Variants in DTNA observed in about 807,000 individuals in gnomAD.
DTNA encodes dystrobrevin alpha, also known as dystrophin-related protein 3.
Under a neutral mutation model 100.7 loss-of-function variants are expected in DTNA, and 43 were observed. That is an observed-to-expected ratio of 0.43 (90% CI 0.33 to 0.55). The LOEUF is 0.55. DTNA is among the 20% of genes least tolerant of loss of function. DTNA has a pLI of 0.04. For missense variants in DTNA, 798 were observed against 953.9 expected (o/e 0.84, Z 2.15); for synonymous variants, 349 against 347.9 (o/e 1.00, Z -0.04).
chr18:34,780,286 A>G (rs1354445657), intron 3 of DTNA, among the ~76,000 whole-genome samples: 1 of 152,218 alleles, frequency 6.6e-6, no homozygotes, highest in Non-Finnish European at 1.5e-5. Flanking sequence ...AATACCAGAT[A>G]AAATCATGTA....
At chr18:34,614,887 AT>A (rs1195447741) in intron 1 of DTNA, among the ~76,000 whole-genome samples, 1 of 152,230 alleles carries the variant, frequency 6.6e-6, no homozygotes, top group Non-Finnish European at 1.5e-5. Flanking sequence ...ATTCGCTCCA[AT>A]TTTGAAAGAA....
At chr18:34,564,942 T>C (rs2046958173) in intron 1 of DTNA, among the ~76,000 whole-genome samples, 1 of 152,170 alleles carries the variant, frequency 6.6e-6, no homozygotes, top group Admixed American at 6.5e-5. Context: ...ATAAAACATA[T>C]GTAATTATGA....
At chr18:34,628,799 G>A (rs1342647503) in intron 1 of DTNA, among the ~76,000 whole-genome samples, 1 of 152,030 alleles carries the variant, frequency 6.6e-6, no homozygotes, top group East Asian at 1.9e-4. Context: ...CACTTTATAA[G>A]CTTATATTTT....
chr18:34,824,319 C>CA (rs1017178581), intron 9 of DTNA, among the ~76,000 whole-genome samples: 11 of 151,394 alleles, frequency 7.3e-5, no homozygotes, highest in South Asian at 2.1e-4. Context: ...ACTAAAAATA[C>CA]AAAAAAAATA....
intron 1 of DTNA, among the ~76,000 whole-genome samples, chr18:34,676,258 G>T (rs749832868): frequency 6.6e-6 from 1 of 152,038 alleles, no homozygotes; most frequent in African/African-American, 2.4e-5. Flanking sequence ...ATTTGAGGGG[G>T]TCCTCTTATT....
chr18:34,824,656 A>G (rs974897360), intron 9 of DTNA, among the ~76,000 whole-genome samples: 2 of 152,170 alleles, frequency 1.3e-5, no homozygotes, highest in South Asian at 4.1e-4. Flanking sequence ...TAAAATTAAG[A>G]AAATAATAAG....
chr18:34,755,990 G>C lies in DTNA; in HGVS notation c.14G>C (p.Ser5Thr). 2 of 1,613,314 alleles carry C rather than the reference G, an allele frequency of 1.2e-6. No individual in the cohort carries two copies. The highest frequency in any genetic ancestry group is 1.7e-6 in the Non-Finnish European group (2 of 1,179,534). Residue 5 changes from serine to threonine, a missense_variant, in exon 2 of 23, where the codon AGT becomes ACT. By Grantham distance (58) the Ser-to-Thr change is moderately conservative (BLOSUM62 1). This residue lies in a region of DTNA where 197 missense variants were observed against 215.4 expected (regional missense o/e 0.91). Coordinates refer to ENST00000444659, the MANE Select transcript of DTNA (RefSeq NM_001386795.1). ...TTGTCTCATAGAATGATTGAAGATA[G>C]TGGGAAAAGAGGAAATACCATGGCA... MIED[S>T]GKRGNTMAER...
In DTNA at chr18:34,815,746, G is replaced by C. The variant is rs939019529; in HGVS notation, c.604-163G>C. 4 of 662,666 alleles carry C rather than the reference G, an allele frequency of 6.0e-6. No homozygotes were observed. The African/African-American group carries it at 7.2e-5, about 12-fold the overall frequency. The allele number at this position is 662,666 out of a possible 1,614,324, so 41.0% of individuals were successfully genotyped here. ...GTATAAAAAGCAAACGATGTTTTCAGTTCTAAACTAGTTTAATAACACATT... is the reference window on the plus strand; with the variant it reads ...GTATAAAAAGCAAACGATGTTTTCACTTCTAAACTAGTTTAATAACACATT... On this transcript the variant is annotated intron_variant, in intron 6 of 22. Coordinates refer to ENST00000444659, the MANE Select transcript of DTNA (RefSeq NM_001386795.1).
chr18:34,756,501 A>C (rs772765970), intron 2 of DTNA, among the ~76,000 whole-genome samples: 17 of 152,212 alleles, frequency 1.1e-4, no homozygotes, highest in African/African-American at 1.7e-4. Context: ...GGAAAGGAGA[A>C]GTTAGGCACA....
chr18:34,776,964 C>T (rs911718889), intron 3 of DTNA, among the ~76,000 whole-genome samples: 5 of 152,216 alleles, frequency 3.3e-5, no homozygotes, highest in South Asian at 2.1e-4. Context: ...CTTCCTGTAG[C>T]GAACTCAATG....
intron 4 of DTNA, among the ~76,000 whole-genome samples, chr18:34,804,718 T>G (rs1030239242): frequency 1.3e-5 from 2 of 152,168 alleles, no homozygotes; most frequent in African/African-American, 4.8e-5. Context: ...GAGTTCTCTT[T>G]TGAACATACT....
In DTNA at chr18:34,687,895, CCTT is replaced by C. The variant is rs1298644729; in HGVS notation, c.-1-68077_-1-68075del. ...TGATCCCTTTAACATTATGTAATGC[CCTT>C]CTTTGTCTTTATTGATCTTTGTTGG... On this transcript the variant is annotated intron_variant, in intron 1 of 19. Coordinates refer to the DTNA transcript ENST00000283365. 2.0e-5 allele frequency among the ~76,000 whole-genome samples: 3 copies of C among 151,870 alleles called. No homozygotes were observed. The East Asian group carries it at 5.8e-4, about 29-fold the overall frequency.
chr18:34,536,643 A>G (rs2043742517), intron 1 of DTNA, among the ~76,000 whole-genome samples: 1 of 151,932 alleles, frequency 6.6e-6, no homozygotes, highest in Non-Finnish European at 1.5e-5. Context: ...ATTTTCTTAT[A>G]TCTAGGAAAC....
chr18:34,593,742 T>C (rs2050011746), intron 1 of DTNA, among the ~76,000 whole-genome samples: 1 of 152,258 alleles, frequency 6.6e-6, no homozygotes, highest in African/African-American at 2.4e-5. Context: ...TGCAAGTCTG[T>C]AACTTCAGTT....
chr18:34,740,488 A>G (rs1369248253), intron 1 of DTNA, among the ~76,000 whole-genome samples: 3 of 152,166 alleles, frequency 2.0e-5, no homozygotes, highest in Non-Finnish European at 4.4e-5. Flanking sequence ...ATGTGTTTTC[A>G]GTATTTAGAG....
At chr18:34,764,704 C>A (rs1300167745) in intron 2 of DTNA, among the ~76,000 whole-genome samples, 1 of 152,200 alleles carries the variant, frequency 6.6e-6, no homozygotes, top group East Asian at 1.9e-4. Flanking sequence ...CTGAGTTTCA[C>A]TGGGAAAGCA....
At chr18:34,779,089 A>G (rs575878239) in intron 3 of DTNA, among the ~76,000 whole-genome samples, 1 of 152,276 alleles carries the variant, frequency 6.6e-6, no homozygotes, top group Admixed American at 6.5e-5. Flanking sequence ...TCCATGTGCC[A>G]GGTGCTCTGT....
chr18:34,731,576 G>C (rs1347512546), intron 1 of DTNA, among the ~76,000 whole-genome samples: 4 of 152,184 alleles, frequency 2.6e-5, no homozygotes, highest in Non-Finnish European at 5.9e-5. Flanking sequence ...GCATAATGAA[G>C]AAATGATGAT....
At chr18:34,600,045 A>C (rs183802652) in intron 1 of DTNA, among the ~76,000 whole-genome samples, 207 of 152,288 alleles carry the variant, frequency 1.4e-3, no homozygotes, top group African/African-American at 4.8e-3. Context: ...ACACATATTT[A>C]AAAAGTCATT....
Sources: gnomAD v4.1 joint callset for allele counts (sites outside exome capture counted in the v4.1 genomes callset) on GRCh38, gnomAD v4.1.1 for gene constraint, gnomAD v4.1.1 regional missense constraint, MANE v1.5 for transcripts, NCBI Gene and HGNC (gene_info 2026-07-23, HGNC 2026-07-21) for gene names.